GAS6: variants seen among roughly 807,000 people sequenced by gnomAD.
GAS6 encodes growth arrest-specific protein 6.
GAS6 carries 41 observed loss-of-function variants against 75.8 expected under a neutral mutation model. The ratio of observed to expected loss-of-function variants is 0.54; its 90% CI spans 0.42 to 0.70. The LOEUF (loss-of-function observed/expected upper bound fraction) is 0.70. GAS6 is among the 30% of genes least tolerant of loss of function. The pLI is 0.00. For synonymous variants in GAS6, 432 were observed against 412.6 expected (o/e 1.05, Z -0.57); for missense variants, 854 against 940.2 (o/e 0.91, Z 1.20).
At chr13:113,855,199 T>C (rs61493434) in intron 2 of GAS6, among the ~76,000 whole-genome samples, 14,728 of 152,256 alleles carry the variant, frequency 0.097, 948 homozygotes, top group African/African-American at 0.17. Flanking sequence ...ACGGCACCCA[T>C]GCTTCAGGTC....
intron 12 of GAS6, among the ~76,000 whole-genome samples, chr13:113,824,216 G>A (rs112481287): frequency 1.0e-3 from 82 of 79,560 alleles, no homozygotes; most frequent in African/African-American, 6.0e-3. Flanking sequence ...CTGAGCTGTC[G>A]GGAGCACGCG....
chr13:113,840,475 G>A (rs1301476282), intron 4 of GAS6: 2 of 152,744 alleles, frequency 1.3e-5, no homozygotes, highest in Non-Finnish European at 1.5e-5. Flanking sequence ...AACGGGTGAG[G>A]GCCTGAGGGT....
At chr13:113,859,403 T>G (rs899009637) in intron 2 of GAS6, among the ~76,000 whole-genome samples, 1 of 150,028 alleles carries the variant, frequency 6.7e-6, no homozygotes, top group Non-Finnish European at 1.5e-5. Flanking sequence ...TACATGTCTG[T>G]TAGTATGTGT....
rs1165365934 is a variant in GAS6 at position 113,820,618 on chromosome 13, A to T, written c.*246T>A. 4 of 486,360 alleles carry T rather than the reference A, an allele frequency of 8.2e-6. No homozygotes were observed. In the Admixed American group the frequency reaches 1.3e-4, roughly 16 times the overall value. 30.1% of individuals were successfully genotyped at this position (486,360 alleles called of 1,614,324 possible). A position where few individuals can be genotyped will look rare whatever the true frequency, so the allele number is the denominator to read the frequency against. On this transcript the variant is annotated 3_prime_UTR_variant, in exon 15 of 15. Transcript: ENST00000327773. Reference sequence around the variant, plus strand: ...CAGAAAGAAGCGCTTGGTAATAAAAATAATAGAGAATTATTTTCTTCGAGC... The same window carrying T: ...CAGAAAGAAGCGCTTGGTAATAAAATTAATAGAGAATTATTTTCTTCGAGC...
Position 113,863,651 on chromosome 13 carries a change from T to G in GAS6, c.179A>C (p.His60Pro), listed in dbSNP as rs2051991639. Reference protein sequence around the residue: ...FQVFEEAKQGHLERECVEELC... With the variant: ...FQVFEEAKQGPLERECVEELC... ...CTCCTCCACGCACTCCCTCTCCAGG[T>G]GGCCCTGCTTGGCCTCCTCGAAGAC... Residue 60 changes from histidine to proline, a missense_variant, in exon 2 of 15, where the codon CAC (histidine) becomes CCC (proline). Transcript: ENST00000327773. The surrounding 1 kb of genome is among the most constrained non-coding windows in gnomAD (Gnocchi z 9.4). 1 of 1,523,002 alleles carries G rather than the reference T, an allele frequency of 6.6e-7. No homozygotes were observed. The highest frequency in any genetic ancestry group is 1.4e-5 in the African/African-American group (1 of 69,536). 94.3% of individuals were successfully genotyped at this position (1,523,002 alleles called of 1,614,324 possible).
rs1413177685 is a variant in GAS6 at position 113,844,212 on chromosome 13, C to A, written c.343+2315G>T. 2.0e-5 allele frequency: 3 copies of A among 150,832 alleles called. No individual in the cohort carries two copies. The highest frequency in any genetic ancestry group is 5.0e-5 in the African/African-American group (2 of 40,176). 9.3% of individuals were successfully genotyped at this position (150,832 alleles called of 1,614,324 possible). ...CTGGCACCAGCCACAGCAAGAGATT[C>A]TCTTCCTATCACACAGGGAACAAAC... is the stretch of plus-strand genomic sequence containing the variant. On this transcript the variant is annotated intron_variant, in intron 4 of 14. Coordinates refer to ENST00000327773, the MANE Select transcript of GAS6 (RefSeq NM_000820.4). This position sits in a 1 kb window ranked among gnomAD's most constrained non-coding sequence, Gnocchi z 5.7.
rs76958531 is a variant in GAS6 at position 113,856,263 on chromosome 13, G to A, written c.255+7312C>T. 2.0e-5 allele frequency among the ~76,000 whole-genome samples: 3 copies of A among 152,158 alleles called. No individual in the cohort carries two copies. In the East Asian group the frequency reaches 5.8e-4, roughly 29 times the overall value. On this transcript the variant is annotated intron_variant, in intron 2 of 14. Transcript: ENST00000327773. ...GTATGCTCACAGTCGCCTGCACACA[G>A]AGGAGCACACAGTGGGGCCGGGGGT...
At chr13:113,846,833 C>T (rs924046193) in intron 3 of GAS6, 10 of 548,710 alleles carry the variant, frequency 1.8e-5, no homozygotes, top group South Asian at 6.0e-5. Context: ...CGTAAAGCAC[C>T]GCCCGCCGTT....
intron 14 of GAS6, chr13:113,821,579 C>A: frequency 3.7e-6 from 1 of 272,182 alleles, no homozygotes. Flanking sequence ...CTGGCGGTCA[C>A]TCTGTTCGCT....
At chr13:113,821,684 C>T (rs527648765) in intron 14 of GAS6, 12 of 482,912 alleles carry the variant, frequency 2.5e-5, no homozygotes, top group Non-Finnish European at 4.4e-5. Flanking sequence ...TGGGTGTGGA[C>T]GAATGCTCCC....
intron 2 of GAS6, among the ~76,000 whole-genome samples, chr13:113,851,971 G>C (rs188784409): frequency 6.6e-6 from 1 of 152,206 alleles, no homozygotes; most frequent in Admixed American, 6.5e-5. Context: ...CAGCCATTAG[G>C]TCTCTCGGAG....
rs756029174 is a variant in GAS6 at position 113,832,674 on chromosome 13, G to A, written c.913C>T (p.Pro305Ser). 6.2e-7 allele frequency: 1 copy of A among 1,612,770 alleles called. No individual in the cohort carries two copies. ...CTCTTGAAGCGCAGTCGGATCACGG[G>A]GGTCCCACTGAACATCCGGCCCAGG... ...LYLGRMFSGT[P>S]VIRLRFKRLQ... The change falls in exon 9 of 15, where the codon CCC becomes TCC. Residue 305 changes from proline (P) to serine (S), a missense_variant. Transcript: ENST00000327773.
At chr13:113,849,380 A>C (rs1209041622) in intron 2 of GAS6, among the ~76,000 whole-genome samples, 1 of 152,198 alleles carries the variant, frequency 6.6e-6, no homozygotes, top group African/African-American at 2.4e-5. Flanking sequence ...AAGAACAGCC[A>C]TACCAAGTGA....
chr13:113,843,292 TGGCCCATGACTGCGTTGAA>T (rs1230133357), intron 4 of GAS6: 2 of 156,752 alleles, frequency 1.3e-5, no homozygotes, highest in Non-Finnish European at 2.8e-5. Flanking sequence ...TATCTCAGCT[TGGCCCATGACTGCGTTGAA>T]GGACAGGAGG....
At chr13:113,862,454 C>T (rs539128436) in intron 2 of GAS6, among the ~76,000 whole-genome samples, 2 of 152,336 alleles carry the variant, frequency 1.3e-5, no homozygotes, top group South Asian at 4.1e-4. Flanking sequence ...GCCAGCAGCA[C>T]AGGCCAGGAT....
At chr13:113,852,813 G>A (rs901261891) in intron 2 of GAS6, among the ~76,000 whole-genome samples, 2 of 152,314 alleles carry the variant, frequency 1.3e-5, no homozygotes, top group Non-Finnish European at 2.9e-5. Flanking sequence ...CCACCCATGC[G>A]GCAACCCTAC....
At chr13:113,843,753 A>AT (rs2051810998) in intron 4 of GAS6, 2 of 151,140 alleles carry the variant, frequency 1.3e-5, no homozygotes, top group South Asian at 4.1e-4. Context: ...GCAGGCTCCC[A>AT]TGCAAGGCCC....
intron 2 of GAS6, among the ~76,000 whole-genome samples, chr13:113,857,962 C>T (rs1025881037): frequency 4.6e-5 from 7 of 152,366 alleles, no homozygotes; most frequent in Middle Eastern, 3.4e-3. Context: ...AGACGGCCCT[C>T]AGAGGAGGCC....
At chr13:113,830,447 G>A (rs1423096635) in intron 10 of GAS6, among the ~76,000 whole-genome samples, 5 of 122,472 alleles carry the variant, frequency 4.1e-5, no homozygotes, top group East Asian at 2.2e-4. Flanking sequence ...TCCCCCAGGC[G>A]ACCTCGCCTC....
Sources: allele counts gnomAD v4.1 joint callset (sites outside exome capture counted in the v4.1 genomes callset), GRCh38; gene constraint gnomAD v4.1.1; non-coding constraint Gnocchi (gnomAD v3.1); transcripts MANE v1.5; gene names NCBI Gene and HGNC (gene_info 2026-07-23, HGNC 2026-07-21).